The following DLGAP4 variants were observed in gnomAD, a reference collection of about 807,000 sequenced individuals.
DLGAP4 encodes the protein disks large-associated protein 4.
In DLGAP4, 18 loss-of-function variants were observed where a neutral mutation model predicts 86.9. That is an observed-to-expected ratio of 0.21 (90% CI 0.14 to 0.31). DLGAP4 has a LOEUF of 0.31. DLGAP4 is among the 10% of genes least tolerant of loss of function. The pLI is 1.00. For missense variants in DLGAP4, 1,085 were observed against 1,362.6 expected (o/e 0.80, Z 3.21); for synonymous variants, 548 against 574.3 (o/e 0.95, Z 0.65).
chr20:36,425,347 A>G (rs1230657527), intron 2 of DLGAP4, among the ~76,000 whole-genome samples: 2 of 152,240 alleles, frequency 1.3e-5, no homozygotes, highest in Non-Finnish European at 2.9e-5. Flanking sequence ...ATCATTAGTC[A>G]TCAGGAAAAT....
At chr20:36,444,607 C>T (rs2033541747) in intron 6 of DLGAP4, among the ~76,000 whole-genome samples, 1 of 151,496 alleles carries the variant, frequency 6.6e-6, no homozygotes, top group African/African-American at 2.4e-5. Flanking sequence ...TCAAATGTGG[C>T]TCCTGTGACT....
rs565144363 is a variant in DLGAP4, at chr20:36,372,536, T to C, written c.-73+5261T>C. Among the ~76,000 whole-genome samples the C allele has an allele frequency of 1.3e-3, 197 of 151,092 alleles. 1 individual carries two copies. The highest frequency in any genetic ancestry group is 4.5e-3 in the African/African-American group (187 of 41,234). ...CCAGGATTTGCTTTTTTTTTTTTTTTCACAACTAGTATACCTGCCCAGGAA... is the reference window on the plus strand; with the variant it reads ...CCAGGATTTGCTTTTTTTTTTTTTTCCACAACTAGTATACCTGCCCAGGAA... On this transcript the variant is annotated intron_variant, in intron 2 of 12. Transcript: ENST00000339266.
intron 1 of DLGAP4, among the ~76,000 whole-genome samples, chr20:36,334,013 G>A (rs1410208014): frequency 6.6e-6 from 1 of 152,162 alleles, no homozygotes; most frequent in Non-Finnish European, 1.5e-5. Flanking sequence ...GGGGAGTGGC[G>A]ACTCTGTGGA....
intron 10 of DLGAP4, chr20:36,510,947 A>G (rs780160029): frequency 1.3e-5 from 2 of 152,220 alleles, no homozygotes; most frequent in Non-Finnish European, 1.5e-5. Flanking sequence ...GCAGAAAGAA[A>G]AACTATTCTT....
rs2030099447 is a variant in DLGAP4, at chr20:36,350,077, T to C, written c.-303-16968T>C. On this transcript the variant is annotated intron_variant, in intron 1 of 12. Coordinates refer to ENST00000339266, the MANE Select transcript of DLGAP4 (RefSeq NM_001365621.2). This position sits in a 1 kb window ranked among gnomAD's most constrained non-coding sequence, Gnocchi z 4.4. ...TCACAGTTCCCACATTTTTAGCCTGTGGGTCTCAAGCGGCTTCTGGTGTCC... is the reference window on the plus strand; with the variant it reads ...TCACAGTTCCCACATTTTTAGCCTGCGGGTCTCAAGCGGCTTCTGGTGTCC... 1.3e-5 allele frequency among the ~76,000 whole-genome samples: 2 copies of C among 152,246 alleles called. No individual in the cohort carries two copies. Among genetic ancestry groups the C allele is most frequent in the Non-Finnish European group, 2.9e-5 (2 of 68,022 alleles).
intron 2 of DLGAP4, among the ~76,000 whole-genome samples, chr20:36,383,667 G>A (rs1426657178): frequency 6.6e-6 from 1 of 152,028 alleles, no homozygotes; most frequent in Admixed American, 6.6e-5. Context: ...TGGAATGAAA[G>A]AGATGCAAAT....
chr20:36,313,151 G>A (rs1186360551), intron 1 of DLGAP4, among the ~76,000 whole-genome samples: 1 of 152,088 alleles, frequency 6.6e-6, no homozygotes, highest in Non-Finnish European at 1.5e-5. Context: ...CTCCTGTCAT[G>A]GGGAGGGAGC....
intron 1 of DLGAP4, among the ~76,000 whole-genome samples, chr20:36,324,817 A>T (rs1431353117): frequency 6.6e-6 from 1 of 152,166 alleles, no homozygotes; most frequent in Non-Finnish European, 1.5e-5. Context: ...GATATTTGTA[A>T]TATGTGTCTG....
Position 36,336,931 on chromosome 20 carries a change from C to T in DLGAP4, c.-303-30114C>T, listed in dbSNP as rs544933190. Among the ~76,000 whole-genome samples the T allele has an allele frequency of 1.8e-4, 27 of 152,352 alleles. No homozygotes were observed. The South Asian group carries it at 3.5e-3, about 20-fold the overall frequency. ...GCCCGCACCCAGTCTCCCATCTCAG[C>T]CCCCTCTCTGCTGTGCGCACACCTC... On this transcript the variant is annotated intron_variant, in intron 1 of 12. Transcript: ENST00000339266.
At position 36,313,070 on chromosome 20, in the gene DLGAP4, G is replaced by C. The variant is rs1006113268; in HGVS notation, c.-304+6558G>C. On this transcript the variant is annotated intron_variant, in intron 1 of 12. Coordinates refer to ENST00000339266, the MANE Select transcript of DLGAP4 (RefSeq NM_001365621.2). ...AACGAGCTGGGCTTCCCTCTGAGCG[G>C]TGTCAGGGAGTCCTCACTGCCCTCA... 2.7e-3 allele frequency among the ~76,000 whole-genome samples: 418 copies of C among 152,184 alleles called. 2 individuals carry two copies. The highest frequency in any genetic ancestry group is 9.9e-3 in the African/African-American group (412 of 41,494).
At chr20:36,356,059 G>A (rs1357464035) in intron 1 of DLGAP4, among the ~76,000 whole-genome samples, 2 of 152,224 alleles carry the variant, frequency 1.3e-5, no homozygotes, top group Non-Finnish European at 2.9e-5. Flanking sequence ...CTTAGGACTG[G>A]CGCTGGAACA....
intron 1 of DLGAP4, among the ~76,000 whole-genome samples, chr20:36,342,987 G>A (rs990615601): frequency 3.0e-4 from 46 of 152,132 alleles, no homozygotes; most frequent in Non-Finnish European, 1.6e-4. Flanking sequence ...AAAGAACAAG[G>A]AGGGCAGGGC....
At chr20:36,347,173 A>C (rs2029971039) in intron 1 of DLGAP4, among the ~76,000 whole-genome samples, 1 of 152,100 alleles carries the variant, frequency 6.6e-6, no homozygotes, top group Non-Finnish European at 1.5e-5. Context: ...AGGAAGGCTG[A>C]GGATGGTCCA....
chr20:36,506,371 G>A (rs1287074464), intron 10 of DLGAP4, among the ~76,000 whole-genome samples: 2 of 152,194 alleles, frequency 1.3e-5, no homozygotes, highest in Non-Finnish European at 2.9e-5. Flanking sequence ...TACCTGGGAG[G>A]GAAGAGGTCT....
At chr20:36,522,770 C>T (rs1469837494) in intron 10 of DLGAP4, among the ~76,000 whole-genome samples, 1 of 152,170 alleles carries the variant, frequency 6.6e-6, no homozygotes, top group Admixed American at 6.5e-5. Context: ...CCCGCCTCAG[C>T]CTCCCCCATC....
intron 10 of DLGAP4, chr20:36,507,994 A>C (rs1032623534): frequency 6.6e-6 from 1 of 152,284 alleles, no homozygotes; most frequent in Non-Finnish European, 1.5e-5. Flanking sequence ...GCCTTCTTGC[A>C]TGGTGGCTCC....
At chr20:36,424,772 G>A (rs2032930184) in intron 2 of DLGAP4, among the ~76,000 whole-genome samples, 1 of 143,384 alleles carries the variant, frequency 7.0e-6, no homozygotes, top group African/African-American at 2.6e-5. Context: ...GTCTTGCTCT[G>A]TCACTCAGTC....
intron 2 of DLGAP4, among the ~76,000 whole-genome samples, chr20:36,404,105 G>A (rs1286063768): frequency 6.6e-6 from 1 of 152,210 alleles, no homozygotes; most frequent in Non-Finnish European, 1.5e-5. Flanking sequence ...TGAATACCAG[G>A]AGACGAGACT....
chr20:36,475,273 A>G (rs961459322), intron 7 of DLGAP4, among the ~76,000 whole-genome samples: 16 of 152,252 alleles, frequency 1.1e-4, no homozygotes, highest in Non-Finnish European at 8.8e-5. Flanking sequence ...ATGTAGTGAC[A>G]TGATCTTGAC....
Sources: gnomAD v4.1 joint callset for allele counts (sites outside exome capture counted in the v4.1 genomes callset) on GRCh38, gnomAD v4.1.1 for gene constraint, Gnocchi (gnomAD v3.1) non-coding constraint, MANE v1.5 for transcripts, NCBI Gene and HGNC (gene_info 2026-07-23, HGNC 2026-07-21) for gene names.